The following PEX16 variants were observed in gnomAD, a reference collection of about 807,000 sequenced individuals.
The protein encoded by PEX16 is peroxisomal biogenesis factor 16.
PEX16 carries 37 observed loss-of-function variants against 50.5 expected under a neutral mutation model. That is an observed-to-expected ratio of 0.73 (90% CI 0.56 to 0.96). PEX16 has a LOEUF of 0.96. Among genes scored for constraint, PEX16 ranks in the 40% least tolerant of loss-of-function variants. PEX16 has a pLI of 0.00. For missense variants in PEX16, 401 were observed against 438.3 expected (o/e 0.91, Z 0.76); for synonymous variants, 185 against 190.3 (o/e 0.97, Z 0.23).
upstream of PEX16, chr11:45,918,751 AC>A (rs1475773516): frequency 6.6e-6 from 1 of 152,040 alleles, no homozygotes; most frequent in Non-Finnish European, 1.5e-5. Context: ...GGAAGGGGAG[AC>A]CCCTGGGGAG....
At chr11:45,911,052 G>A (rs548877342) in intron 9 of PEX16, 90 bp from the exon 10 acceptor site, 22 of 887,354 alleles carry the variant, frequency 2.5e-5, no homozygotes, top group Admixed American at 1.9e-4. Flanking sequence ...ACTGACCACC[G>A]TGCCGAATGC....
chr11:45,912,148 G>A (rs1189453795), intron 9 of PEX16: 1 of 152,338 alleles, frequency 6.6e-6, no homozygotes, highest in Non-Finnish European at 1.5e-5. Flanking sequence ...AGGGTCCAGA[G>A]AGGTGCCAGG....
Position 45,909,945 on chromosome 11 carries a change from C to G in PEX16, c.*309G>C, listed in dbSNP as rs886048325. 2.5e-4 allele frequency: 191 copies of G among 751,284 alleles called. No homozygotes were observed. Among genetic ancestry groups the G allele is most frequent in the Non-Finnish European group, 4.4e-5 (19 of 436,188 alleles). 46.5% of individuals were successfully genotyped at this position (751,284 alleles called of 1,614,324 possible). A position where few individuals can be genotyped will look rare whatever the true frequency, so the allele number is the denominator to read the frequency against. On this transcript the variant is annotated 3_prime_UTR_variant, in exon 11 of 11. Coordinates refer to ENST00000378750, the MANE Select transcript of PEX16 (RefSeq NM_004813.4). The stretch of plus-strand genomic sequence containing the variant: ...CAGCAGTGTTCGCTCCTATGGCTGC[C>G]GAGGCGAGCAGCTTCCCGGGCTCCA...
rs1002440429 is a variant in PEX16, at chr11:45,917,253, A to C, written c.148+205T>G. ...AGCGCCTGGCCAGTAGTGAATACTC[A>C]GATAAGGTCCCCAGACGTGTCTCTT... On this transcript the variant is annotated intron_variant, in intron 2 of 10. Transcript: ENST00000378750. 5 of 687,064 alleles carry C rather than the reference A, an allele frequency of 7.3e-6. No homozygotes were observed. The African/African-American group carries it at 8.8e-5, about 12-fold the overall frequency. 42.6% of individuals were successfully genotyped at this position (687,064 alleles called of 1,614,324 possible).
intron 2 of PEX16, chr11:45,917,089 A>G (rs1487507600): frequency 5.3e-6 from 3 of 562,200 alleles, no homozygotes; most frequent in African/African-American, 1.9e-5. Context: ...CTAGACTTGA[A>G]TCTTGGTTCT....
chr11:45,914,721 G>A, intron 5 of PEX16, 37 bp from the exon 6 acceptor site: 3 of 1,558,388 alleles, frequency 1.9e-6, no homozygotes, highest in South Asian at 2.2e-5. Context: ...CAGTCAGAGG[G>A]ACATGCTTCC....
Position 45,910,904 on chromosome 11 carries a change from C to A in PEX16, c.946G>T (p.Val316Phe). 1 of 1,613,560 alleles carries A rather than the reference C, an allele frequency of 6.2e-7. No homozygotes were observed. The highest frequency in any genetic ancestry group is 8.5e-7 in the Non-Finnish European group (1 of 1,179,918). Reference protein sequence around the residue: ...LADHVPGVGLVTRPLMDYLPT... With the variant: ...LADHVPGVGLFTRPLMDYLPT... ...CGTCCCCATCCCTGCTTACTTGTGACCAGGCCAACGCCAGGGACGTGGTCG... is the reference window on the plus strand; with the variant it reads ...CGTCCCCATCCCTGCTTACTTGTGAACAGGCCAACGCCAGGGACGTGGTCG... Residue 316 changes from valine (V) to phenylalanine (F), a missense_variant, in exon 10 of 11, where the codon GTC becomes TTC. Coordinates refer to ENST00000378750, the MANE Select transcript of PEX16 (RefSeq NM_004813.4).
Position 45,915,689 on chromosome 11 carries a change from C to A in PEX16, c.359+14G>T, listed in dbSNP as rs780463224. ...TCACCCCCACCCAGGACCCTCTCCA[C>A]AATCCCAACCTACTTGGCCAGCTGG... On this transcript the variant is annotated intron_variant, in intron 4 of 10. Coordinates refer to ENST00000378750, the MANE Select transcript of PEX16 (RefSeq NM_004813.4). The A allele has an allele frequency of 8.1e-6, 13 of 1,613,978 alleles. No individual in the cohort carries two copies. In the Admixed American group the frequency reaches 8.3e-5, roughly 10 times the overall value.
At chr11:45,913,731 G>T in intron 9 of PEX16, 88 bp downstream of exon 9, 2 of 1,464,808 alleles carry the variant, frequency 1.4e-6, no homozygotes, top group Non-Finnish European at 1.9e-6. Flanking sequence ...TGGATGAGGC[G>T]TGGGGAAGGG....
intron 10 of PEX16, 43 bp downstream of exon 10, chr11:45,910,855 C>A (rs375407407): frequency 2.0e-6 from 3 of 1,525,976 alleles, no homozygotes; most frequent in Admixed American, 1.7e-5. Context: ...TGCATGCATG[C>A]GCCTTCCAGC....
chr11:45,914,091 G>T, intron 8 of PEX16, 40 bp downstream of exon 8: 1 of 1,578,080 alleles, frequency 6.3e-7, no homozygotes, highest in South Asian at 1.1e-5. Context: ...ATAGCAGAAA[G>T]CCCAGTGGAG....
intron 3 of PEX16, 88 bp from the exon 4 acceptor site, chr11:45,915,924 G>T (rs1178616344): frequency 3.1e-5 from 40 of 1,295,596 alleles, no homozygotes; most frequent in Admixed American, 5.4e-5. Context: ...TCTCTGACAA[G>T]AGATGTGGAC....
upstream of PEX16, chr11:45,918,208 G>C (rs891502018): frequency 3.2e-6 from 1 of 313,784 alleles, no homozygotes. Flanking sequence ...GAAGGGAGCT[G>C]GAGCCCCGAG....
intron 3 of PEX16, 109 bp from the exon 4 acceptor site, chr11:45,915,945 C>A (rs2086830006): frequency 1.8e-6 from 2 of 1,101,526 alleles, no homozygotes; most frequent in Non-Finnish European, 2.8e-6. Flanking sequence ...CTTCCCCTTT[C>A]CAAGCCTAAC....
rs748963153 is a variant in PEX16, at chr11:45,914,488, G to A, written c.542-20C>T. On this transcript the variant is annotated intron_variant, in intron 6 of 10. Transcript: ENST00000378750. Reference sequence around the variant, plus strand: ...ACGGCGCTAGAACACAAGGGCGGCAGATGAGCGAGCCAGGCCCAGGCTGGG... The same window carrying A: ...ACGGCGCTAGAACACAAGGGCGGCAAATGAGCGAGCCAGGCCCAGGCTGGG... 5 of 1,608,620 alleles carry A rather than the reference G, an allele frequency of 3.1e-6. No individual in the cohort carries two copies. The highest frequency in any genetic ancestry group is 2.5e-6 in the Non-Finnish European group (3 of 1,179,860).
chr11:45,917,398 G>T, intron 2 of PEX16, 60 bp downstream of exon 2: 1 of 1,540,134 alleles, frequency 6.5e-7, no homozygotes, highest in Non-Finnish European at 9.0e-7. Context: ...CCCTCTCTGG[G>T]GAACTCACCA....
chr11:45,912,516 C>A (rs111927685), intron 9 of PEX16, among the ~76,000 whole-genome samples: 33,183 of 151,210 alleles, frequency 0.22, 3,834 homozygotes, highest in African/African-American at 0.27. Flanking sequence ...AACAAACAAA[C>A]AAAAAAAGAC....
At chr11:45,910,358 G>T in intron 10 of PEX16, 46 bp from the exon 11 acceptor site, 2 of 1,473,880 alleles carry the variant, frequency 1.4e-6, no homozygotes, top group South Asian at 1.1e-5. Context: ...ACCCCAATCT[G>T]CACTGTGGCG....
At position 45,914,425 on chromosome 11, in the gene PEX16, C is replaced by A. The variant is rs1024606739; in HGVS notation, c.585G>T (p.Arg195=). ...CGTGATGCTGCTGCTGCCGTCCCTCCCGCTGCTGGGGAGCTCCCCAGTGCC... is the reference window on the plus strand; with the variant it reads ...CGTGATGCTGCTGCTGCCGTCCCTCACGCTGCTGGGGAGCTCCCCAGTGCC... ...HSRHWGAPQQ[R]EGRQQQHHEE... The change falls in exon 7 of 11, where the codon CGG becomes CGT. Residue 195 remains arginine, a synonymous_variant. Transcript: ENST00000378750. 1 of 1,608,912 alleles carries A rather than the reference C, an allele frequency of 6.2e-7. No individual in the cohort carries two copies. Among genetic ancestry groups the A allele is most frequent in the South Asian group, 1.1e-5 (1 of 91,086 alleles).
Sources: allele counts gnomAD v4.1 joint callset (sites outside exome capture counted in the v4.1 genomes callset), GRCh38; gene constraint gnomAD v4.1.1; transcripts MANE v1.5; gene names NCBI Gene and HGNC (gene_info 2026-07-23, HGNC 2026-07-21).